SLCO5A1: variants seen among roughly 807,000 people sequenced by gnomAD.
SLCO5A1 encodes organic anion transporter polypeptide-related protein 4.
SLCO5A1 carries 39 observed loss-of-function variants against 65.1 expected under a neutral mutation model. The observed-to-expected ratio is 0.60, with a 90% CI of 0.46 to 0.78. The LOEUF (loss-of-function observed/expected upper bound fraction) is 0.78, where lower values mean the gene tolerates loss of function less well. Among genes scored for constraint, SLCO5A1 ranks in the 30% least tolerant of loss-of-function variants. The pLI, the probability that SLCO5A1 is intolerant of heterozygous loss-of-function variation, is 0.00. For missense variants in SLCO5A1, 1,029 were observed against 1,069.4 expected (o/e 0.96, Z 0.53); for synonymous variants, 438 against 415.7 (o/e 1.05, Z -0.65).
intron 2 of SLCO5A1, among the ~76,000 whole-genome samples, chr8:69,819,664 G>C (rs1820554786): frequency 6.6e-6 from 1 of 152,106 alleles, no homozygotes; most frequent in Admixed American, 6.6e-5. Flanking sequence ...ATACTGGTCA[G>C]AAAAAAACAG....
At chr8:69,784,930 GAAAGAAAGAAAGAAAGAAA>G (rs1279757947) in intron 2 of SLCO5A1, among the ~76,000 whole-genome samples, 4 of 113,780 alleles carry the variant, frequency 3.5e-5, no homozygotes, top group African/African-American at 1.4e-4. Flanking sequence ...AAGAAAGAAA[GAAAGAAAGAAAGAAAGAAA>G]GAAGAAAGGA....
chr8:69,679,733 AAC>A (rs1232965373), intron 7 of SLCO5A1, 114 bp from the exon 8 acceptor site: 34 of 1,405,016 alleles, frequency 2.4e-5, no homozygotes, highest in Non-Finnish European at 3.0e-5. Context: ...TATTTTTTCA[AAC>A]ACAAAATATT....
intron 2 of SLCO5A1, 32 bp downstream of exon 2, chr8:69,831,735 G>A: frequency 6.3e-7 from 1 of 1,585,176 alleles, no homozygotes; most frequent in Non-Finnish European, 8.6e-7. Flanking sequence ...CAGTGTGAGT[G>A]AAACATATCT....
chr8:69,772,823 G>T, intron 2 of SLCO5A1: 1 of 540,826 alleles, frequency 1.8e-6, no homozygotes, highest in Non-Finnish European at 2.4e-6. Context: ...ACTCATCCAT[G>T]CACTCTGTGA....
chr8:69,730,504 A>G (rs1407724568), intron 5 of SLCO5A1, among the ~76,000 whole-genome samples: 1 of 152,186 alleles, frequency 6.6e-6, no homozygotes, highest in Admixed American at 6.5e-5. Flanking sequence ...AGAGAAAAAC[A>G]CTGTCCACCT....
intron 2 of SLCO5A1, among the ~76,000 whole-genome samples, chr8:69,782,394 C>A (rs926750062): frequency 6.6e-6 from 1 of 151,830 alleles, no homozygotes; most frequent in Non-Finnish European, 1.5e-5. Context: ...CCAGCCTGGG[C>A]AATATGGCAA....
At position 69,668,723 on chromosome 8, in the gene SLCO5A1, TGAA is replaced by T. The variant is rs766580463; in HGVS notation, c.*4143_*4145del. On this transcript the variant is annotated 3_prime_UTR_variant, in exon 10 of 10. Transcript: ENST00000260126. ...AAGAGCGCAAGCTGGAATTGTGGAC[TGAA>T]GAAGAATTTTCTTGGTGGTTGGTGA... is the stretch of plus-strand genomic sequence containing the variant. 5.9e-5 allele frequency: 9 copies of T among 152,158 alleles called. No homozygotes were observed. Among genetic ancestry groups the T allele is most frequent in the Admixed American group, 3.3e-4 (5 of 15,276 alleles). 9.4% of individuals were successfully genotyped at this position (152,158 alleles called of 1,614,324 possible). A position where few individuals can be genotyped will look rare whatever the true frequency, so the allele number is the denominator to read the frequency against.
At chr8:69,703,539 A>G (rs975196570) in intron 6 of SLCO5A1, among the ~76,000 whole-genome samples, 6 of 152,208 alleles carry the variant, frequency 3.9e-5, no homozygotes, top group African/African-American at 1.2e-4. Context: ...AATAAATACA[A>G]TTAAAGATTA....
intron 6 of SLCO5A1, among the ~76,000 whole-genome samples, chr8:69,702,092 A>G (rs1430759308): frequency 6.6e-6 from 1 of 152,258 alleles, no homozygotes; most frequent in Non-Finnish European, 1.5e-5. Flanking sequence ...AATCAGAGCT[A>G]GTCATAAGAC....
At chr8:69,702,504 T>TAC (rs71257200) in intron 6 of SLCO5A1, among the ~76,000 whole-genome samples, 17,832 of 148,924 alleles carry the variant, frequency 0.12, 1,322 homozygotes, top group African/African-American at 0.22. Context: ...ACACACATCT[T>TAC]ACACACACAC....
intron 4 of SLCO5A1, among the ~76,000 whole-genome samples, chr8:69,740,292 G>A (rs979505733): frequency 1.2e-4 from 18 of 152,296 alleles, no homozygotes; most frequent in Admixed American, 7.2e-4. Flanking sequence ...CCTTTGGTTG[G>A]TGGGACTGGG....
At chr8:69,761,183 C>T (rs1817755903) in intron 3 of SLCO5A1, among the ~76,000 whole-genome samples, 1 of 152,218 alleles carries the variant, frequency 6.6e-6, no homozygotes, top group Non-Finnish European at 1.5e-5. Context: ...TGTCCCCAAA[C>T]CCTCTGTATA....
intron 6 of SLCO5A1, among the ~76,000 whole-genome samples, chr8:69,697,310 A>T (rs1327402680): frequency 2.0e-5 from 3 of 152,172 alleles, no homozygotes; most frequent in African/African-American, 7.2e-5. Context: ...GAATCGCTTG[A>T]ACCCGGGAGG....
At chr8:69,770,342 C>T (rs1818265387) in intron 2 of SLCO5A1, among the ~76,000 whole-genome samples, 1 of 152,154 alleles carries the variant, frequency 6.6e-6, no homozygotes, top group South Asian at 2.1e-4. Context: ...CACCTGTAAT[C>T]CCAATACTTT....
At chr8:69,726,038 A>C (rs1366362564) in intron 5 of SLCO5A1, among the ~76,000 whole-genome samples, 1 of 152,228 alleles carries the variant, frequency 6.6e-6, no homozygotes, top group Non-Finnish European at 1.5e-5. Flanking sequence ...CAGAGCCCAG[A>C]ATATATCCAC....
rs564436600 is a variant in SLCO5A1, at chr8:69,768,895, G to A, written c.908-7020C>T. On this transcript the variant is annotated intron_variant, in intron 2 of 9. Transcript: ENST00000260126. ...TTCTCTTGCTATTACTTCACTGCTC[G>A]TCTAACATGTCTGTCCTCACCTTGA... Among the ~76,000 whole-genome samples, 9 of 152,138 alleles carry A rather than the reference G, an allele frequency of 5.9e-5. No individual in the cohort carries two copies. In the South Asian group the frequency reaches 6.2e-4, roughly 11 times the overall value.
chr8:69,814,467 G>A (rs1231693810), intron 2 of SLCO5A1, among the ~76,000 whole-genome samples: 1 of 152,016 alleles, frequency 6.6e-6, no homozygotes, highest in East Asian at 1.9e-4. Context: ...AAACCACAAT[G>A]AGAGATCAAC....
intron 2 of SLCO5A1, among the ~76,000 whole-genome samples, chr8:69,829,847 A>C (rs995802898): frequency 6.6e-6 from 1 of 152,210 alleles, no homozygotes; most frequent in African/African-American, 2.4e-5. Context: ...CAGTGTCTGC[A>C]ATTACTTTTA....
intron 5 of SLCO5A1, among the ~76,000 whole-genome samples, chr8:69,719,983 C>A (rs1815742347): frequency 1.3e-5 from 2 of 152,188 alleles, no homozygotes; most frequent in African/African-American, 4.8e-5. Flanking sequence ...TTTCCCGCAA[C>A]AATTGGGTAG....
Sources: gnomAD v4.1 joint callset for allele counts (sites outside exome capture counted in the v4.1 genomes callset) on GRCh38, gnomAD v4.1.1 for gene constraint, MANE v1.5 for transcripts, NCBI Gene and HGNC (gene_info 2026-07-23, HGNC 2026-07-21) for gene names.